COL4A2: variants seen among roughly 807,000 people sequenced by gnomAD.
COL4A2 encodes collagen type IV alpha 2 chain, also known as collagen alpha-2(IV) chain.
COL4A2 carries 99 observed loss-of-function variants against 200.2 expected under a neutral mutation model. The observed-to-expected ratio is 0.49, with a 90% CI of 0.42 to 0.58. The LOEUF is 0.58. Ranked by LOEUF, COL4A2 falls within the 20% of genes least tolerant of loss-of-function variation. COL4A2 has a pLI of 0.00. For missense variants in COL4A2, 1,950 were observed against 2,314.1 expected, an observed-to-expected ratio of 0.84 and a Z score of 3.23; for synonymous variants, 897 against 900.6, an observed-to-expected ratio of 1.00 and a Z score of 0.07.
intron 4 of COL4A2, among the ~76,000 whole-genome samples, chr13:110,409,729 A>G (rs35096048): frequency 0.26 from 39,989 of 152,166 alleles, 5,739 homozygotes; most frequent in African/African-American, 0.36. Context: ...CAAATGAGCC[A>G]TGCATTATCT....
chr13:110,452,120 T>TTTTATTTG (rs1881559898), intron 20 of COL4A2, among the ~76,000 whole-genome samples: 1 of 151,280 alleles, frequency 6.6e-6, no homozygotes, highest in Non-Finnish European at 1.5e-5. Flanking sequence ...AAAGTCTCTG[T>TTTTATTTG]TTTGTTTGTT....
intron 19 of COL4A2, 69 bp from the exon 20 acceptor site, chr13:110,450,236 G>A: frequency 6.9e-7 from 1 of 1,440,778 alleles, no homozygotes; most frequent in South Asian, 1.2e-5. Flanking sequence ...GGCCCCTCTG[G>A]ACACGAACAC....
intron 4 of COL4A2, among the ~76,000 whole-genome samples, chr13:110,366,319 G>A (rs9559780): frequency 0.4 from 60,943 of 152,044 alleles, 12,342 homozygotes; most frequent in Middle Eastern, 0.56. Context: ...AAGAATGTCT[G>A]AAGCTATGCT....
intron 22 of COL4A2, 162 bp downstream of exon 22, chr13:110,459,096 G>A (rs767599071): frequency 3.6e-5 from 24 of 662,118 alleles, no homozygotes; most frequent in Non-Finnish European, 5.4e-5. Flanking sequence ...ACCCCAAGGC[G>A]GACTTTCTAC....
At chr13:110,350,329 A>G (rs893808997) in intron 3 of COL4A2, among the ~76,000 whole-genome samples, 5 of 152,224 alleles carry the variant, frequency 3.3e-5, no homozygotes, top group African/African-American at 4.8e-5. Flanking sequence ...AATGCTGGCT[A>G]CCAGTTTCAG....
intron 10 of COL4A2, among the ~76,000 whole-genome samples, chr13:110,431,480 C>A (rs374922799): frequency 6.6e-6 from 1 of 152,168 alleles, no homozygotes; most frequent in South Asian, 2.1e-4. Context: ...CAAATTTCCC[C>A]GGTGCTGTGA....
intron 3 of COL4A2, among the ~76,000 whole-genome samples, chr13:110,310,904 A>T (rs1033106057): frequency 3.9e-5 from 6 of 152,208 alleles, no homozygotes; most frequent in African/African-American, 1.4e-4. Flanking sequence ...AAAGCCACAA[A>T]GGGTTTGCAG....
rs370700585 is a variant in COL4A2, at chr13:110,457,355, G to A, written c.1352G>A (p.Gly451Glu). Residue 451 changes from glycine (G) to glutamate (E), a missense_variant, in exon 21 of 48, where the codon GGG (glycine) becomes GAG (glutamate). By Grantham distance (98) the Gly-to-Glu change is moderately conservative. Around this residue, in one of 2 missense-constraint regions of COL4A2, gnomAD observed 1,385 missense variants for 1,720.5 expected, o/e 0.80. Transcript: ENST00000360467. Reference sequence around the variant, plus strand: ...GTTGTCTCTCTAGGCTTCCTGTTTGGGCTGAAAGGAGCAAAAGGAAGAGCA... The same window carrying A: ...GTTGTCTCTCTAGGCTTCCTGTTTGAGCTGAAAGGAGCAAAAGGAAGAGCA... ...GPPGPDGFLFGLKGAKGRAGF... is the reference protein window; with the variant it reads ...GPPGPDGFLFELKGAKGRAGF... 3.7e-6 allele frequency: 6 copies of A among 1,612,418 alleles called. No individual in the cohort carries two copies. Among genetic ancestry groups the A allele is most frequent in the Non-Finnish European group, 5.1e-6 (6 of 1,178,692 alleles).
chr13:110,331,886 C>A (rs1173780016), intron 3 of COL4A2, among the ~76,000 whole-genome samples: 1 of 152,148 alleles, frequency 6.6e-6, no homozygotes, highest in Non-Finnish European at 1.5e-5. Flanking sequence ...CTCTTTGTAT[C>A]CTAAATACAG....
intron 4 of COL4A2, among the ~76,000 whole-genome samples, chr13:110,370,865 G>A (rs1338120128): frequency 6.6e-6 from 1 of 152,168 alleles, no homozygotes; most frequent in African/African-American, 2.4e-5. Flanking sequence ...GTATTTTTGG[G>A]ACTTTATTTT....
At chr13:110,490,618 G>A (rs142783353) in intron 36 of COL4A2, among the ~76,000 whole-genome samples, 388 of 152,326 alleles carry the variant, frequency 2.5e-3, no homozygotes, top group African/African-American at 8.8e-3. Context: ...CTGGGCTCCC[G>A]GTGGCTTCCT....
In COL4A2 at chr13:110,446,831, C is replaced by A. The variant is rs1881345726; in HGVS notation, c.1045C>A (p.Pro349Thr). 1 of 1,612,956 alleles carries A rather than the reference C, an allele frequency of 6.2e-7. No individual in the cohort carries two copies. The highest frequency in any genetic ancestry group is 1.7e-5 in the Admixed American group (1 of 60,004). ...EAGDPGPPGL[P>T]AYSPHPSLAK... ...CGGAGACCCAGGGCCCCCTGGACTA[C>A]CTGCCTACTCCCCTCACCCTTCCCT... The change falls in exon 18 of 48, where the codon CCT becomes ACT. Residue 349 changes from proline (P) to threonine (T), a missense_variant. Physicochemically the swap from Pro to Thr is conservative, Grantham distance 38. Transcript: ENST00000360467.
intron 4 of COL4A2, among the ~76,000 whole-genome samples, chr13:110,389,696 C>T (rs1446191231): frequency 6.6e-6 from 1 of 152,218 alleles, no homozygotes; most frequent in Non-Finnish European, 1.5e-5. Context: ...TCCAGGACTG[C>T]GGCTCCAAGA....
intron 34 of COL4A2, among the ~76,000 whole-genome samples, chr13:110,486,369 T>C (rs1883119111): frequency 6.6e-6 from 1 of 152,206 alleles, no homozygotes; most frequent in African/African-American, 2.4e-5. Context: ...CTCCCTCAGC[T>C]GCAGAATGAA....
At chr13:110,428,402 C>A in intron 6 of COL4A2, 65 bp from the exon 7 acceptor site, 1 of 937,108 alleles carries the variant, frequency 1.1e-6, no homozygotes, top group South Asian at 1.5e-5. Context: ...ACTGTTTTAT[C>A]TCACAGTTAC....
At chr13:110,443,265 G>C in intron 16 of COL4A2, among the ~76,000 whole-genome samples, 1 of 152,088 alleles carries the variant, frequency 6.6e-6, no homozygotes, top group South Asian at 2.1e-4. Flanking sequence ...GTGCTCCCTC[G>C]GCCACTGCAA....
chr13:110,311,199 T>C (rs1394274210), intron 3 of COL4A2, among the ~76,000 whole-genome samples: 1 of 152,144 alleles, frequency 6.6e-6, no homozygotes, highest in Non-Finnish European at 1.5e-5. Context: ...AGCAAGACCC[T>C]TCCCAAAGGG....
intron 3 of COL4A2, 134 bp from the exon 4 acceptor site, chr13:110,357,338 A>T (rs1011510235): frequency 6.1e-5 from 82 of 1,351,520 alleles, no homozygotes; most frequent in South Asian, 3.2e-4. Flanking sequence ...CTATTTTTTT[A>T]AAAAAGCCTT....
chr13:110,472,922 CT>C lies in COL4A2; in HGVS notation c.2204-3del. On this transcript the variant is annotated splice_region_variant and splice_polypyrimidine_tract_variant and intron_variant, in intron 28 of 47. Transcript: ENST00000360467. ...GTGGTTTGGGGCCCACCCATGTTTCCTTTTAGGGTTCATAGGACCCCGAGGA... is the reference window on the plus strand; with the variant it reads ...GTGGTTTGGGGCCCACCCATGTTTCCTTTAGGGTTCATAGGACCCCGAGGA... The C allele has an allele frequency of 6.4e-7, 1 of 1,552,694 alleles. No homozygotes were observed. Among genetic ancestry groups the C allele is most frequent in the Non-Finnish European group, 8.7e-7 (1 of 1,147,672 alleles).
Sources: allele counts gnomAD v4.1 joint callset (sites outside exome capture counted in the v4.1 genomes callset), GRCh38; gene constraint gnomAD v4.1.1; regional missense constraint gnomAD v4.1.1; transcripts MANE v1.5; gene names NCBI Gene and HGNC (gene_info 2026-07-23, HGNC 2026-07-21).